Variants in LSM14A observed in about 807,000 individuals in gnomAD.
The protein encoded by LSM14A is LSM14A mRNA processing body assembly factor.
LSM14A carries 14 observed loss-of-function variants against 52.4 expected under a neutral mutation model. The observed-to-expected ratio is 0.27, with a 90% CI of 0.18 to 0.42. The LOEUF (loss-of-function observed/expected upper bound fraction) is 0.42, where lower values mean the gene tolerates loss of function less well. Among genes scored for constraint, LSM14A ranks in the 10% least tolerant of loss-of-function variants. LSM14A has a pLI of 1.00. For missense variants in LSM14A, 417 were observed against 581.8 expected, an observed-to-expected ratio of 0.72 and a Z score of 2.91; for synonymous variants, 185 against 200.3, an observed-to-expected ratio of 0.92 and a Z score of 0.64.
At chr19:34,226,596 T>C in intron 9 of LSM14A, 1 of 755,534 alleles carries the variant, frequency 1.3e-6, no homozygotes. Context: ...GTGCAAATGT[T>C]TTGGTGTTGT....
intron 1 of LSM14A, among the ~76,000 whole-genome samples, chr19:34,189,833 T>A (rs1172661182): frequency 6.6e-6 from 1 of 152,236 alleles, no homozygotes; most frequent in Admixed American, 6.5e-5. Context: ...TGCTTAAAGA[T>A]AAGTTAAAAT....
At position 34,221,737 on chromosome 19, in the gene LSM14A, G is replaced by C. The variant is rs200312353; in HGVS notation, c.1367G>C (p.Arg456Thr). 22 of 1,609,000 alleles carry C rather than the reference G, an allele frequency of 1.4e-5. No individual in the cohort carries two copies. The East Asian group carries it at 4.7e-4, about 34-fold the overall frequency. Residue 456 changes from arginine to threonine, a missense_variant and splice_region_variant, in exon 9 of 10, where the codon AGG becomes ACG. This residue lies in a region of LSM14A where 357 missense variants were observed against 457.0 expected (regional missense o/e 0.78). Transcript: ENST00000544216. ...CGGGAGTTTGCGGATTTTGAATATA[G>C]GGTAAGTGTTACTGTTAATAAATTC... ...GGREFADFEYRKDNKVAA is the reference protein window; with the variant it reads ...GGREFADFEYTKDNKVAA
intron 3 of LSM14A, 41 bp from the exon 4 acceptor site, chr19:34,208,887 AT>A (rs749734580): frequency 2.1e-6 from 3 of 1,438,764 alleles, no homozygotes; most frequent in South Asian, 1.3e-5. Flanking sequence ...AATGTCAAAC[AT>A]TTTTTAAAAT....
intron 3 of LSM14A, among the ~76,000 whole-genome samples, chr19:34,198,103 TA>T (rs2071004365): frequency 1.3e-5 from 2 of 151,986 alleles, no homozygotes; most frequent in Admixed American, 1.3e-4. Flanking sequence ...CTTTTGCCCC[TA>T]ATCTTTTAAA....
chr19:34,178,579 T>G (rs1017013394), intron 1 of LSM14A, among the ~76,000 whole-genome samples: 1 of 152,232 alleles, frequency 6.6e-6, no homozygotes, highest in Non-Finnish European at 1.5e-5. Flanking sequence ...GCATATGTGT[T>G]TATTGTCTGT....
At chr19:34,217,190 C>T (rs2072674548) in intron 6 of LSM14A, among the ~76,000 whole-genome samples, 1 of 143,830 alleles carries the variant, frequency 7.0e-6, no homozygotes, top group Non-Finnish European at 1.5e-5. Context: ...ACCCGGGAGG[C>T]GAGGTTGTAG....
chr19:34,195,107 T>G (rs1248580203), intron 2 of LSM14A: 2 of 167,940 alleles, frequency 1.2e-5, no homozygotes, highest in African/African-American at 4.8e-5. Flanking sequence ...TAGGTAAGAT[T>G]ATTAGGCTTA....
chr19:34,182,857 G>A (rs80306901), intron 1 of LSM14A, among the ~76,000 whole-genome samples: 8 of 114,938 alleles, frequency 7.0e-5, no homozygotes, highest in Admixed American at 8.4e-5. Flanking sequence ...AAAAAAAAAA[G>A]AGTCAACTCT....
intron 1 of LSM14A, among the ~76,000 whole-genome samples, chr19:34,175,855 GT>G (rs141249058): frequency 2.0e-5 from 3 of 150,752 alleles, no homozygotes; most frequent in Admixed American, 6.6e-5. Flanking sequence ...TTTTGTTTTC[GT>G]TTTTTTTTGT....
intron 3 of LSM14A, 24 bp from the exon 4 acceptor site, chr19:34,208,905 A>G (rs758736985): frequency 1.3e-6 from 2 of 1,505,362 alleles, no homozygotes; most frequent in South Asian, 2.6e-5. Flanking sequence ...AAATTTTTTT[A>G]TCATTTAAAA....
At chr19:34,179,644 T>A (rs1437709136) in intron 1 of LSM14A, among the ~76,000 whole-genome samples, 1 of 152,074 alleles carries the variant, frequency 6.6e-6, no homozygotes, top group Non-Finnish European at 1.5e-5. Flanking sequence ...CATGATTTTC[T>A]AAGTCGGAAG....
intron 9 of LSM14A, chr19:34,226,599 G>A (rs1158233736): frequency 1.4e-6 from 1 of 734,032 alleles, no homozygotes. Context: ...CAAATGTTTT[G>A]GTGTTGTATA....
intron 3 of LSM14A, among the ~76,000 whole-genome samples, chr19:34,202,331 A>C (rs936031803): frequency 1.4e-5 from 2 of 142,294 alleles, no homozygotes; most frequent in African/African-American, 2.6e-5. Context: ...CTGGCTCTAC[A>C]AAAAAAAAAA....
chr19:34,175,042 C>T (rs1029218947), intron 1 of LSM14A, among the ~76,000 whole-genome samples: 2 of 152,070 alleles, frequency 1.3e-5, no homozygotes, highest in Non-Finnish European at 2.9e-5. Context: ...CTTTTAGAGT[C>T]AGTATTTCAT....
rs1231001697 is a variant in LSM14A at position 34,219,380 on chromosome 19, T to C, written c.782-11T>C. Reference sequence around the variant, plus strand: ...TTGAATGTCCTTTGTATATATTCTTTATTATCATAGCTCCAGGTGCTCCTT... The same window carrying C: ...TTGAATGTCCTTTGTATATATTCTTCATTATCATAGCTCCAGGTGCTCCTT... On this transcript the variant is annotated splice_polypyrimidine_tract_variant and intron_variant, in intron 6 of 9. Coordinates refer to ENST00000544216, the MANE Select transcript of LSM14A (RefSeq NM_015578.4). 1.3e-6 allele frequency: 2 copies of C among 1,594,500 alleles called. No individual in the cohort carries two copies. Among genetic ancestry groups the C allele is most frequent in the East Asian group, 2.2e-5 (1 of 44,796 alleles).
intron 1 of LSM14A, among the ~76,000 whole-genome samples, chr19:34,192,700 C>T (rs1240172394): frequency 1.4e-5 from 2 of 145,740 alleles, no homozygotes; most frequent in South Asian, 2.2e-4. Flanking sequence ...GGGGGCCAGG[C>T]GCGGTAGCTC....
chr19:34,177,365 C>T (rs1488496171), intron 1 of LSM14A, among the ~76,000 whole-genome samples: 1 of 151,976 alleles, frequency 6.6e-6, no homozygotes, highest in African/African-American at 2.4e-5. Flanking sequence ...ATTTTGTGTA[C>T]AATGTGAGAT....
At chr19:34,204,081 T>TG (rs549274381) in intron 3 of LSM14A, among the ~76,000 whole-genome samples, 2 of 151,944 alleles carry the variant, frequency 1.3e-5, no homozygotes, top group Non-Finnish European at 2.9e-5. Context: ...AGGTAAAGGT[T>TG]GGGGGGGCGT....
chr19:34,172,863 G>A, intron 1 of LSM14A, 100 bp downstream of exon 1: 2 of 1,358,540 alleles, frequency 1.5e-6, no homozygotes, highest in Non-Finnish European at 1.9e-6. Flanking sequence ...CCCTCCCTCC[G>A]TCGAGCTCCG....
Sources: allele counts gnomAD v4.1 joint callset (sites outside exome capture counted in the v4.1 genomes callset), GRCh38; gene constraint gnomAD v4.1.1; regional missense constraint gnomAD v4.1.1; transcripts MANE v1.5; gene names NCBI Gene and HGNC (gene_info 2026-07-23, HGNC 2026-07-21).